The following TMEM117 variants were observed in gnomAD, a reference collection of about 807,000 sequenced individuals.
TMEM117 encodes transmembrane protein 117.
TMEM117 carries 27 observed loss-of-function variants against 52.4 expected under a neutral mutation model. The observed-to-expected ratio is 0.51, with a 90% CI of 0.38 to 0.71. TMEM117 has a LOEUF of 0.71. TMEM117 is among the 30% of genes least tolerant of loss of function. The pLI is 0.00. For synonymous variants in TMEM117, 215 were observed against 206.3 expected (o/e 1.04, Z -0.36); for missense variants, 556 against 630.5 (o/e 0.88, Z 1.26).
the TMEM117 span, among the ~76,000 whole-genome samples, chr12:44,397,288 T>G: frequency 6.6e-6 from 1 of 152,228 alleles, no homozygotes; most frequent in Non-Finnish European, 1.5e-5. Flanking sequence ...GTGAATTGAC[T>G]GTGATTGATG....
At chr12:44,011,086 C>A (rs1411621137) in intron 3 of TMEM117, among the ~76,000 whole-genome samples, 1 of 152,130 alleles carries the variant, frequency 6.6e-6, no homozygotes, top group Non-Finnish European at 1.5e-5. Flanking sequence ...CAAATTTTCT[C>A]ATTTTTTTCT....
At chr12:44,047,666 T>C (rs886769741) in intron 3 of TMEM117, among the ~76,000 whole-genome samples, 6 of 152,216 alleles carry the variant, frequency 3.9e-5, no homozygotes, top group African/African-American at 1.2e-4. Flanking sequence ...AGACTTTGCA[T>C]CTAATCCTTT....
At chr12:44,213,483 C>T (rs1245128461) in intron 5 of TMEM117, among the ~76,000 whole-genome samples, 1 of 152,174 alleles carries the variant, frequency 6.6e-6, no homozygotes, top group African/African-American at 2.4e-5. Context: ...GATGGTCTCT[C>T]TTAAAACAAT....
chr12:44,038,278 G>A (rs765673600), intron 3 of TMEM117, among the ~76,000 whole-genome samples: 4 of 152,120 alleles, frequency 2.6e-5, no homozygotes, highest in Non-Finnish European at 5.9e-5. Context: ...AGCTCACCAA[G>A]CCAGGGCTGT....
chr12:44,326,480 G>C (rs912098000), intron 6 of TMEM117, among the ~76,000 whole-genome samples: 7 of 152,162 alleles, frequency 4.6e-5, no homozygotes, highest in African/African-American at 1.7e-4. Context: ...TGGAGGAAAG[G>C]GAGGTGTTTA....
chr12:44,145,385 C>G (rs1251876871), intron 4 of TMEM117, among the ~76,000 whole-genome samples: 1 of 151,986 alleles, frequency 6.6e-6, no homozygotes. Flanking sequence ...ATTATCTGAC[C>G]TGACCACCTA....
At chr12:44,091,599 A>G (rs1011296948) in intron 3 of TMEM117, among the ~76,000 whole-genome samples, 7 of 152,194 alleles carry the variant, frequency 4.6e-5, no homozygotes, top group African/African-American at 1.7e-4. Context: ...GTAAAGTTTG[A>G]CAGTGTCTAC....
intron 6 of TMEM117, among the ~76,000 whole-genome samples, chr12:44,326,130 A>G (rs1396525634): frequency 6.6e-6 from 1 of 151,836 alleles, no homozygotes; most frequent in African/African-American, 2.4e-5. Context: ...GCCACACTGC[A>G]CTCCAGCAGC....
the TMEM117 span, among the ~76,000 whole-genome samples, chr12:43,815,067 C>T: frequency 1.3e-5 from 2 of 152,240 alleles, no homozygotes; most frequent in South Asian, 4.1e-4. Flanking sequence ...CTTACCCTGT[C>T]ACTTGCCAGA....
At chr12:43,864,815 T>G (rs1450541860) in intron 2 of TMEM117, among the ~76,000 whole-genome samples, 2 of 152,150 alleles carry the variant, frequency 1.3e-5, no homozygotes, top group African/African-American at 4.8e-5. Context: ...CTGTGGGAAC[T>G]TTGTTCTTTT....
intron 3 of TMEM117, among the ~76,000 whole-genome samples, chr12:44,087,088 T>C (rs1947583870): frequency 1.3e-5 from 2 of 150,226 alleles, no homozygotes; most frequent in Non-Finnish European, 3.0e-5. Context: ...ATGCCTTTTT[T>C]CTTATGCCTC....
intron 6 of TMEM117, among the ~76,000 whole-genome samples, chr12:44,338,804 C>T (rs192540218): frequency 9.7e-4 from 147 of 152,102 alleles, no homozygotes; most frequent in African/African-American, 3.3e-3. Context: ...AATGTTTTAT[C>T]ATTAGAGTTT....
intron 4 of TMEM117, among the ~76,000 whole-genome samples, chr12:44,170,758 G>T (rs963095): frequency 0.14 from 21,974 of 152,024 alleles, 2,012 homozygotes; most frequent in African/African-American, 0.25. Context: ...ATTTTTAACT[G>T]TTTATTTTGA....
intron 2 of TMEM117, among the ~76,000 whole-genome samples, chr12:43,903,278 T>C (rs1201944195): frequency 6.6e-6 from 1 of 152,186 alleles, no homozygotes; most frequent in African/African-American, 2.4e-5. Flanking sequence ...CACTAAGCAC[T>C]ACTATTCACT....
At position 43,886,412 on chromosome 12, in the gene TMEM117, A is replaced by G. The variant is rs570299197; in HGVS notation, c.277+41484A>G. The stretch of plus-strand genomic sequence containing the variant: ...ACTGGGATGTTTCACTTAGATTTGT[A>G]TGTAGATCACTTAAGATTTTATAAA... On this transcript the variant is annotated intron_variant, in intron 2 of 7. Transcript: ENST00000266534. Among the ~76,000 whole-genome samples the G allele has an allele frequency of 9.2e-5, 14 of 152,238 alleles. No individual in the cohort carries two copies. In the East Asian group the frequency reaches 2.1e-3, roughly 23 times the overall value.
intron 6 of TMEM117, among the ~76,000 whole-genome samples, chr12:44,319,585 A>G (rs1470622271): frequency 3.3e-5 from 5 of 152,176 alleles, no homozygotes; most frequent in African/African-American, 1.2e-4. Flanking sequence ...ATTAAAATGT[A>G]TGATTTTGCT....
At chr12:43,803,335 C>T in the TMEM117 span, among the ~76,000 whole-genome samples, 3 of 151,966 alleles carry the variant, frequency 2.0e-5, no homozygotes, top group Non-Finnish European at 4.4e-5. Flanking sequence ...TTGTAGTTGC[C>T]CCAGGGTAAG....
At chr12:43,900,844 GAAGAA>G (rs1279205528) in intron 2 of TMEM117, among the ~76,000 whole-genome samples, 2 of 151,864 alleles carry the variant, frequency 1.3e-5, no homozygotes, top group Non-Finnish European at 2.9e-5. Context: ...AGAGAGGAAG[GAAGAA>G]AAGAAAAGAA....
intron 3 of TMEM117, among the ~76,000 whole-genome samples, chr12:44,071,505 G>T (rs1218701308): frequency 6.6e-6 from 1 of 152,142 alleles, no homozygotes; most frequent in Non-Finnish European, 1.5e-5. Context: ...TTATAACAAC[G>T]TGTGAAAGAT....
Sources: allele counts gnomAD v4.1 joint callset (sites outside exome capture counted in the v4.1 genomes callset), GRCh38; gene constraint gnomAD v4.1.1; transcripts MANE v1.5; gene names NCBI Gene and HGNC (gene_info 2026-07-23, HGNC 2026-07-21).